Variants in MINDY3 observed in about 807,000 individuals in gnomAD.
MINDY3 encodes MINDY lysine 48 deubiquitinase 3, also known as ubiquitin carboxyl-terminal hydrolase MINDY-3.
In MINDY3, 38 loss-of-function variants were observed where a neutral mutation model predicts 69.2. The ratio of observed to expected loss-of-function variants is 0.55; its 90% CI spans 0.42 to 0.72. The LOEUF (loss-of-function observed/expected upper bound fraction) is 0.72, where lower values mean the gene tolerates loss of function less well. Among genes scored for constraint, MINDY3 ranks in the 30% least tolerant of loss-of-function variants. MINDY3 has a pLI of 0.00. For missense variants in MINDY3, 522 were observed against 519.0 expected (o/e 1.01, Z -0.06); for synonymous variants, 192 against 180.1 (o/e 1.07, Z -0.53).
intron 9 of MINDY3, among the ~76,000 whole-genome samples, chr10:15,819,568 G>A (rs1165839205): frequency 6.6e-6 from 1 of 152,110 alleles, no homozygotes; most frequent in African/African-American, 2.4e-5. Flanking sequence ...CCAATCCACA[G>A]GGGAGCTCAG....
At chr10:15,801,457 C>A (rs1181671444) in intron 10 of MINDY3, among the ~76,000 whole-genome samples, 1 of 152,084 alleles carries the variant, frequency 6.6e-6, no homozygotes. Flanking sequence ...TAGTACCCTG[C>A]CAGTAAGAGA....
At chr10:15,848,147 T>A (rs527872796) in intron 1 of MINDY3, among the ~76,000 whole-genome samples, 2 of 152,116 alleles carry the variant, frequency 1.3e-5, no homozygotes, top group African/African-American at 4.8e-5. Context: ...TAAGAGTACA[T>A]ATACTCACAC....
In MINDY3 at chr10:15,789,339, A is replaced by G; in HGVS notation, c.956-20T>C. ...CATTATCTAGGGGGGAAAAAATCAG[A>G]AACAACTTGAAATAAGAATTTACTT... On this transcript the variant is annotated intron_variant, in intron 11 of 14. Coordinates refer to ENST00000277632, the MANE Select transcript of MINDY3 (RefSeq NM_024948.4). The G allele has an allele frequency of 2.5e-6, 4 of 1,575,644 alleles. No homozygotes were observed. The South Asian group carries it at 4.4e-5, about 18-fold the overall frequency.
intron 10 of MINDY3, among the ~76,000 whole-genome samples, chr10:15,809,172 T>C (rs2131945321): frequency 6.6e-6 from 1 of 152,212 alleles, no homozygotes; most frequent in South Asian, 2.1e-4. Flanking sequence ...GAAGAATCAA[T>C]GAGGAAAACG....
intron 11 of MINDY3, 63 bp from the exon 12 acceptor site, chr10:15,789,382 G>T: frequency 7.9e-7 from 1 of 1,265,580 alleles, no homozygotes; most frequent in Non-Finnish European, 1.1e-6. Context: ...TGCTATTAAT[G>T]CTGATCAGGT....
At chr10:15,858,352 A>G (rs1834842397) in intron 1 of MINDY3, among the ~76,000 whole-genome samples, 1 of 152,256 alleles carries the variant, frequency 6.6e-6, no homozygotes, top group South Asian at 2.1e-4. Context: ...CTAATAAGTC[A>G]TTATAAAGTT....
Position 15,821,612 on chromosome 10 carries a change from C to T in MINDY3, c.801+44G>A, listed in dbSNP as rs762342863. 5 of 1,431,590 alleles carry T rather than the reference C, an allele frequency of 3.5e-6. No individual in the cohort carries two copies. In the Admixed American group the frequency reaches 7.0e-5, roughly 20 times the overall value. 88.7% of individuals were successfully genotyped at this position (1,431,590 alleles called of 1,614,324 possible). ...ACAAAACAGTATCCACAATAGTGGA[C>T]ATCTAAACAAAAAACATTCAAAGTA... On this transcript the variant is annotated intron_variant, in intron 9 of 14. Transcript: ENST00000277632.
chr10:15,798,320 C>T (rs1418531439), intron 10 of MINDY3, among the ~76,000 whole-genome samples: 1 of 152,028 alleles, frequency 6.6e-6, no homozygotes, highest in African/African-American at 2.4e-5. Flanking sequence ...TCGCTGTTTA[C>T]ATAGTAGAGG....
intron 2 of MINDY3, among the ~76,000 whole-genome samples, chr10:15,844,456 C>A (rs1246341700): frequency 2.0e-5 from 3 of 152,072 alleles, no homozygotes; most frequent in African/African-American, 7.2e-5. Flanking sequence ...AGTGAAAAAT[C>A]ATAATGGGTA....
chr10:15,793,602 C>T (rs1341691290), intron 11 of MINDY3, among the ~76,000 whole-genome samples: 2 of 152,002 alleles, frequency 1.3e-5, no homozygotes, highest in Non-Finnish European at 2.9e-5. Context: ...TGACTTTAGC[C>T]TTTCAAGAAA....
intron 13 of MINDY3, 89 bp from the exon 14 acceptor site, chr10:15,782,315 A>C (rs1295973580): frequency 3.3e-6 from 3 of 904,398 alleles, no homozygotes; most frequent in Non-Finnish European, 3.4e-6. Flanking sequence ...ATGTTTCTCA[A>C]ATCCTTATCC....
intron 5 of MINDY3, 108 bp downstream of exon 5, chr10:15,838,120 A>C (rs936911049): frequency 2.5e-5 from 33 of 1,322,190 alleles, no homozygotes; most frequent in Non-Finnish European, 3.2e-5. Flanking sequence ...ATTTATGTTT[A>C]AGTAGCGCAT....
chr10:15,798,944 C>T lies in MINDY3; in HGVS notation c.883-2772G>A, dbSNP rs570571151. ...GCATTTGGAACTTAGGCAAAAATCTCGGTGGACTCTAGTTAACATGTGTTC... is the reference window on the plus strand; with the variant it reads ...GCATTTGGAACTTAGGCAAAAATCTTGGTGGACTCTAGTTAACATGTGTTC... On this transcript the variant is annotated intron_variant, in intron 10 of 14. Coordinates refer to ENST00000277632, the MANE Select transcript of MINDY3 (RefSeq NM_024948.4). Among the ~76,000 whole-genome samples, 9 of 152,134 alleles carry T rather than the reference C, an allele frequency of 5.9e-5. No individual in the cohort carries two copies. The East Asian group carries it at 1.2e-3, about 20-fold the overall frequency.
chr10:15,858,199 A>G (rs1007531670), intron 1 of MINDY3, among the ~76,000 whole-genome samples: 1 of 152,216 alleles, frequency 6.6e-6, no homozygotes, highest in African/African-American at 2.4e-5. Flanking sequence ...AATCAGTGTA[A>G]GGCCTTGAAG....
intron 8 of MINDY3, 68 bp downstream of exon 8, chr10:15,833,562 A>G: frequency 9.8e-7 from 1 of 1,017,232 alleles, no homozygotes; most frequent in Non-Finnish European, 1.5e-6. Flanking sequence ...ATAGACGAAT[A>G]ATAATCAGCT....
chr10:15,844,804 T>C (rs1256743566), intron 2 of MINDY3, among the ~76,000 whole-genome samples: 1 of 152,160 alleles, frequency 6.6e-6, no homozygotes, highest in Admixed American at 6.5e-5. Context: ...TTACATGCAC[T>C]GGCAATTGTA....
At chr10:15,785,724 A>AAAC (rs1836905880) in intron 13 of MINDY3, among the ~76,000 whole-genome samples, 1 of 151,916 alleles carries the variant, frequency 6.6e-6, no homozygotes, top group African/African-American at 2.4e-5. Flanking sequence ...TAACAATTTT[A>AAAC]TCTTGAGTTT....
At chr10:15,827,542 CAATAAATA>C (rs142839462) in intron 8 of MINDY3, among the ~76,000 whole-genome samples, 12 of 148,730 alleles carry the variant, frequency 8.1e-5, no homozygotes, top group Non-Finnish European at 1.2e-4. Context: ...GACTCCGTCT[CAATAAATA>C]AATAAATAAA....
At chr10:15,833,497 TA>T in intron 8 of MINDY3, 132 bp downstream of exon 8, 1 of 534,988 alleles carries the variant, frequency 1.9e-6, no homozygotes, top group Non-Finnish European at 3.3e-6. Flanking sequence ...TTGAAAACTG[TA>T]AAGGATTCTT....
Sources: allele counts gnomAD v4.1 joint callset (sites outside exome capture counted in the v4.1 genomes callset), GRCh38; gene constraint gnomAD v4.1.1; transcripts MANE v1.5; gene names NCBI Gene and HGNC (gene_info 2026-07-23, HGNC 2026-07-21).